Variants in XRCC5 observed in about 807,000 individuals in gnomAD.
XRCC5 encodes X-ray repair cross complementing 5.
XRCC5 carries 12 observed loss-of-function variants against 95.7 expected under a neutral mutation model. The ratio of observed to expected loss-of-function variants is 0.13; its 90% confidence interval spans 0.08 to 0.20. The LOEUF is 0.20. Among genes scored for constraint, XRCC5 ranks in the 10% least tolerant of loss-of-function variants. XRCC5 has a pLI of 1.00. For missense variants in XRCC5, 595 were observed against 873.9 expected (o/e 0.68, Z 4.02); for synonymous variants, 281 against 290.3 (o/e 0.97, Z 0.33).
At chr2:216,156,444 CTATCGTACAGCACTGGTCAGATCTA>C in intron 14 of XRCC5, 1 of 735,598 alleles carries the variant, frequency 1.4e-6, no homozygotes. Flanking sequence ...TTTGTAGTCT[CTATCGTACAGCACTGGTCAGATCTA>C]CATAAGCCTC....
At chr2:216,162,189 G>A (rs1688966010) in intron 16 of XRCC5, 141 bp downstream of exon 16, 1 of 767,176 alleles carries the variant, frequency 1.3e-6, no homozygotes, top group South Asian at 1.6e-5. Context: ...TCCCTTGTTA[G>A]GGAGCTCACT....
chr2:216,122,514 A>G (rs555663060), intron 6 of XRCC5, among the ~76,000 whole-genome samples: 2 of 152,302 alleles, frequency 1.3e-5, no homozygotes, highest in East Asian at 1.9e-4. Context: ...TGAGAAATTA[A>G]CAAGTCAAAT....
intron 1 of XRCC5, chr2:216,111,375 T>C (rs1213263821): frequency 2.2e-6 from 1 of 450,644 alleles, no homozygotes; most frequent in South Asian, 1.6e-5. Flanking sequence ...AATTTAAGAA[T>C]TAGCTGGGCA....
In XRCC5 at chr2:216,190,344, T is replaced by C. The variant is rs1364682127; in HGVS notation, c.1944+10T>C. On this transcript the variant is annotated intron_variant, in intron 17 of 20. Transcript: ENST00000392132. ...GGAAGAAGCCATTAAGGTAATGCTA[T>C]CCTAGCATCTCTTTTCTTCCTAAAC... The C allele has an allele frequency of 6.2e-7, 1 of 1,604,818 alleles. No individual in the cohort carries two copies. The highest frequency in any genetic ancestry group is 1.1e-5 in the South Asian group (1 of 90,666).
intron 5 of XRCC5, 87 bp from the exon 6 acceptor site, chr2:216,121,975 A>G: frequency 8.3e-7 from 1 of 1,205,694 alleles, no homozygotes; most frequent in Non-Finnish European, 1.1e-6. Flanking sequence ...AAACTTGAAA[A>G]GGTTGACTGA....
intron 4 of XRCC5, among the ~76,000 whole-genome samples, chr2:216,118,222 A>T (rs705651): frequency 0.37 from 55,853 of 150,708 alleles, 12,435 homozygotes; most frequent in South Asian, 0.53. Flanking sequence ...CCCAGACTAG[A>T]GTGCAGTGGT....
chr2:216,140,755 T>G (rs1201465579), intron 12 of XRCC5, among the ~76,000 whole-genome samples: 1 of 152,252 alleles, frequency 6.6e-6, no homozygotes, highest in Non-Finnish European at 1.5e-5. Context: ...TTAAAGTCAT[T>G]AAAATGCTTA....
intron 16 of XRCC5, among the ~76,000 whole-genome samples, chr2:216,185,190 A>G (rs1689473448): frequency 6.6e-6 from 1 of 152,184 alleles, no homozygotes; most frequent in Admixed American, 6.5e-5. Context: ...GGGTTACAGC[A>G]CCATTCTCAG....
At chr2:216,139,734 C>T (rs1445391489) in intron 12 of XRCC5, among the ~76,000 whole-genome samples, 5 of 152,140 alleles carry the variant, frequency 3.3e-5, no homozygotes, top group African/African-American at 1.2e-4. Flanking sequence ...TCTTAAACTC[C>T]TGGGTTCAAA....
intron 8 of XRCC5, among the ~76,000 whole-genome samples, chr2:216,128,335 G>A (rs928012544): frequency 6.6e-6 from 1 of 152,144 alleles, no homozygotes. Flanking sequence ...TCACTACCCA[G>A]TATAGTTTTG....
intron 7 of XRCC5, among the ~76,000 whole-genome samples, 155 bp from the exon 8 acceptor site, chr2:216,127,380 AC>A (rs1696916043): frequency 6.6e-6 from 1 of 152,242 alleles, no homozygotes; most frequent in African/African-American, 2.4e-5. Flanking sequence ...TATGAAATAA[AC>A]TAAAATTTTC....
chr2:216,109,466 A>C lies in XRCC5; in HGVS notation c.21+9A>C. On this transcript the variant is annotated intron_variant, in intron 1 of 20. Coordinates refer to ENST00000392132, the MANE Select transcript of XRCC5 (RefSeq NM_021141.4). ...TGCGGTCGGGGAATAAGGTATAAAGAAAGCCATGGACTTGGGCTTTACCCG... is the reference window on the plus strand; with the variant it reads ...TGCGGTCGGGGAATAAGGTATAAAGCAAGCCATGGACTTGGGCTTTACCCG... The C allele has an allele frequency of 6.2e-7, 1 of 1,613,900 alleles. No homozygotes were observed. The highest frequency in any genetic ancestry group is 8.5e-7 in the Non-Finnish European group (1 of 1,179,852).
chr2:216,116,897 G>T lies in XRCC5; in HGVS notation c.319+55G>T. On this transcript the variant is annotated intron_variant, in intron 3 of 20. Transcript: ENST00000392132. ...AGAAATTTCCTTTATTCTGGGAATC[G>T]TACAGCAGTTTGATGAGACACCCCC... 4 of 1,582,102 alleles carry T rather than the reference G, an allele frequency of 2.5e-6. No homozygotes were observed. The South Asian group carries it at 4.6e-5, about 18-fold the overall frequency.
rs866538016 is a variant in XRCC5, at chr2:216,143,511, T to C, written c.1476+2192T>C. Among the ~76,000 whole-genome samples, 111 of 152,334 alleles carry C rather than the reference T, an allele frequency of 7.3e-4. 1 individual carries two copies. Among genetic ancestry groups the C allele is most frequent in the Non-Finnish European group, 3.2e-4 (22 of 68,020 alleles). On this transcript the variant is annotated intron_variant, in intron 13 of 20. Transcript: ENST00000392132. ...ATAACAAACAGATACAAGCCATAAATGCAGGCATTTTTATATTCCAAAGCT... is the reference window on the plus strand; with the variant it reads ...ATAACAAACAGATACAAGCCATAAACGCAGGCATTTTTATATTCCAAAGCT...
At chr2:216,150,933 G>C (rs377669753) in intron 14 of XRCC5, among the ~76,000 whole-genome samples, 2 of 152,090 alleles carry the variant, frequency 1.3e-5, no homozygotes, top group South Asian at 4.1e-4. Flanking sequence ...TTTGCGCTAT[G>C]ATGTCATGAC....
chr2:216,110,000 G>C (rs930890818), intron 1 of XRCC5, among the ~76,000 whole-genome samples: 16 of 152,340 alleles, frequency 1.1e-4, no homozygotes, highest in African/African-American at 3.8e-4. Flanking sequence ...CACTCTGTGA[G>C]GGACGGATCT....
At chr2:216,152,506 C>T (rs909860293) in intron 14 of XRCC5, among the ~76,000 whole-genome samples, 1 of 151,986 alleles carries the variant, frequency 6.6e-6, no homozygotes, top group Admixed American at 6.6e-5. Flanking sequence ...GAGAACTCCG[C>T]AGTTTTGTGG....
Position 216,132,378 on chromosome 2 carries a change from AGAT to A in XRCC5, c.1110_1112del (p.Asp370del). ...AAGTTCTAAAGGTCTTTGCAGCAAGAGATGATGAGGTGAGTTGGCAGCAGGTCT... is the reference window on the plus strand; with the variant it reads ...AAGTTCTAAAGGTCTTTGCAGCAAGAGATGAGGTGAGTTGGCAGCAGGTCT... On this transcript the variant is annotated inframe_deletion, in exon 10 of 21. Coordinates refer to ENST00000392132, the MANE Select transcript of XRCC5 (RefSeq NM_021141.4). 1.2e-6 allele frequency: 2 copies of A among 1,613,982 alleles called. No individual in the cohort carries two copies. The highest frequency in any genetic ancestry group is 1.7e-6 in the Non-Finnish European group (2 of 1,179,878).
At chr2:216,199,718 G>C (rs925319511) in intron 19 of XRCC5, among the ~76,000 whole-genome samples, 1 of 151,648 alleles carries the variant, frequency 6.6e-6, no homozygotes, top group African/African-American at 2.4e-5. Context: ...CACCGGCCAG[G>C]AATCTAGTTC....
Sources: gnomAD v4.1 joint callset for allele counts (sites outside exome capture counted in the v4.1 genomes callset) on GRCh38, gnomAD v4.1.1 for gene constraint, MANE v1.5 for transcripts, NCBI Gene and HGNC (gene_info 2026-07-23, HGNC 2026-07-21) for gene names.